PLXNA4: variants seen among roughly 807,000 people sequenced by gnomAD.
PLXNA4 encodes the protein plexin-A4.
In PLXNA4, 44 loss-of-function variants were observed where a neutral mutation model predicts 191.8. The observed-to-expected ratio is 0.23, with a 90% CI of 0.18 to 0.29. The LOEUF (loss-of-function observed/expected upper bound fraction) is 0.29, where lower values mean the gene tolerates loss of function less well. Ranked by LOEUF, PLXNA4 falls within the 10% of genes least tolerant of loss-of-function variation. The pLI, the probability that PLXNA4 is intolerant of heterozygous loss-of-function variation, is 1.00. For synonymous variants in PLXNA4, 1,082 were observed against 1,009.5 expected, an observed-to-expected ratio of 1.07 and a Z score of -1.36; for missense variants, 1,800 against 2,488.8, an observed-to-expected ratio of 0.72 and a Z score of 5.89.
chr7:132,615,350 G>C (rs74941834), intron 2 of PLXNA4, among the ~76,000 whole-genome samples: 7,775 of 152,206 alleles, frequency 0.051, 595 homozygotes, highest in East Asian at 0.26. Flanking sequence ...AACCCCACTC[G>C]CGTCCTGTCT....
intron 9 of PLXNA4, among the ~76,000 whole-genome samples, chr7:132,217,605 C>A (rs1329717543): frequency 6.6e-6 from 1 of 152,130 alleles, no homozygotes; most frequent in Non-Finnish European, 1.5e-5. Flanking sequence ...ACCAACCCTC[C>A]AAATTTATAC....
intron 3 of PLXNA4, among the ~76,000 whole-genome samples, chr7:132,333,209 C>A (rs1188189614): frequency 1.3e-5 from 2 of 152,174 alleles, no homozygotes; most frequent in East Asian, 1.9e-4. Context: ...CAGCGGCCAT[C>A]CCTGTGTGTG....
chr7:132,360,058 T>C (rs1016497915), intron 3 of PLXNA4, among the ~76,000 whole-genome samples: 10 of 152,246 alleles, frequency 6.6e-5, no homozygotes, highest in Admixed American at 6.5e-4. Flanking sequence ...AGGGTAATTA[T>C]AATGTTTAAC....
chr7:132,359,533 C>A (rs1349360961), intron 3 of PLXNA4, among the ~76,000 whole-genome samples: 2 of 151,998 alleles, frequency 1.3e-5, no homozygotes, highest in African/African-American at 4.8e-5. Context: ...GCTCCTAATA[C>A]CTGTTCTGTT....
intron 2 of PLXNA4, among the ~76,000 whole-genome samples, chr7:132,642,843 A>G (rs530733144): frequency 6.6e-6 from 1 of 152,356 alleles, no homozygotes; most frequent in African/African-American, 2.4e-5. Context: ...AGTGATCTCC[A>G]AGACAAATTA....
rs556462930 is a variant in PLXNA4 at position 132,147,671 on chromosome 7, A to C, written c.4864+229T>G. On this transcript the variant is annotated intron_variant, in intron 27 of 31. Transcript: ENST00000321063. ...CACACAGCCTGGAAGACATTCATGA[A>C]AGTTGGCTTTACTTCTTTTGCTCGT... is the stretch of plus-strand genomic sequence containing the variant. Among the ~76,000 whole-genome samples the C allele has an allele frequency of 8.8e-4, 134 of 152,316 alleles. 4 individuals carry two copies. The South Asian group carries it at 0.027, about 30-fold the overall frequency.
intron 2 of PLXNA4, among the ~76,000 whole-genome samples, chr7:132,593,201 G>A (rs527816636): frequency 2.0e-5 from 3 of 152,320 alleles, no homozygotes; most frequent in African/African-American, 4.8e-5. Context: ...CAATTGACGC[G>A]CAGCGTGGGC....
At chr7:132,557,346 C>A (rs1434232750) in intron 1 of PLXNA4, among the ~76,000 whole-genome samples, 1 of 152,170 alleles carries the variant, frequency 6.6e-6, no homozygotes, top group Non-Finnish European at 1.5e-5. Flanking sequence ...AGGCTCCCAA[C>A]TTGCCAGCAC....
chr7:132,391,323 C>G (rs946813404), intron 3 of PLXNA4, among the ~76,000 whole-genome samples: 1 of 152,210 alleles, frequency 6.6e-6, no homozygotes, highest in Admixed American at 6.5e-5. Flanking sequence ...CGATCTCCCC[C>G]ATAGTGACTG....
intron 3 of PLXNA4, among the ~76,000 whole-genome samples, chr7:132,405,988 C>A (rs766286560): frequency 1.3e-5 from 2 of 152,150 alleles, no homozygotes; most frequent in Non-Finnish European, 2.9e-5. Context: ...GAGTTTGTGG[C>A]CCCCTGGCTT....
intron 1 of PLXNA4, among the ~76,000 whole-genome samples, chr7:132,522,961 A>G (rs1799249089): frequency 6.6e-6 from 1 of 151,842 alleles, no homozygotes; most frequent in African/African-American, 2.4e-5. Context: ...CTTGTGCACA[A>G]TGGAGCTCAA....
chr7:132,344,175 T>C (rs1455785893), intron 3 of PLXNA4, among the ~76,000 whole-genome samples: 1 of 152,144 alleles, frequency 6.6e-6, no homozygotes, highest in Non-Finnish European at 1.5e-5. Flanking sequence ...TGAGCTCACC[T>C]TGACTGTCCA....
intron 2 of PLXNA4, among the ~76,000 whole-genome samples, chr7:132,588,450 G>T (rs1003325442): frequency 6.6e-6 from 1 of 151,936 alleles, no homozygotes; most frequent in Non-Finnish European, 1.5e-5. Flanking sequence ...CTCCTGTACT[G>T]CAATCAGTAT....
chr7:132,245,812 C>G (rs1007684162), intron 4 of PLXNA4, among the ~76,000 whole-genome samples: 7 of 152,132 alleles, frequency 4.6e-5, no homozygotes, highest in African/African-American at 1.7e-4. Context: ...GGACATGATG[C>G]TAAGTGAAAT....
intron 3 of PLXNA4, among the ~76,000 whole-genome samples, chr7:132,381,897 C>T (rs898603773): frequency 2.6e-5 from 4 of 152,172 alleles, no homozygotes; most frequent in East Asian, 1.9e-4. Flanking sequence ...GGCGTCTGGT[C>T]GTCATCTGTG....
At chr7:132,520,390 GC>G (rs1403575694) in intron 1 of PLXNA4, among the ~76,000 whole-genome samples, 1 of 152,146 alleles carries the variant, frequency 6.6e-6, no homozygotes, top group African/African-American at 2.4e-5. Flanking sequence ...TCTGGGAAAG[GC>G]CTTTGCTTCT....
At chr7:132,527,539 C>CAAAAAAAAAAAAAAAAAAAAAAAAA (rs34598256) in intron 1 of PLXNA4, among the ~76,000 whole-genome samples, 2 of 59,716 alleles carry the variant, frequency 3.3e-5, no homozygotes, top group East Asian at 5.6e-4. Flanking sequence ...GAAACAGACT[C>CAAAAAAAAAAAAAAAAAAAAAAAAA]AAAAAAAAAA....
intron 3 of PLXNA4, among the ~76,000 whole-genome samples, chr7:132,449,299 G>T (rs1796030273): frequency 6.6e-6 from 1 of 152,154 alleles, no homozygotes; most frequent in African/African-American, 2.4e-5. Flanking sequence ...TTAGTAAGCT[G>T]GTAACTTGGC....
intron 31 of PLXNA4, 23 bp downstream of exon 31, chr7:132,133,026 G>A (rs778471908): frequency 1.9e-6 from 3 of 1,609,384 alleles, no homozygotes; most frequent in South Asian, 1.1e-5. Flanking sequence ...ATCCCAATGG[G>A]CCTGGAGCAG....
Sources: allele counts gnomAD v4.1 joint callset (sites outside exome capture counted in the v4.1 genomes callset), GRCh38; gene constraint gnomAD v4.1.1; transcripts MANE v1.5; gene names NCBI Gene and HGNC (gene_info 2026-07-23, HGNC 2026-07-21).